NAALADL2: variants seen among roughly 807,000 people sequenced by gnomAD.
NAALADL2 encodes N-acetylated alpha-linked acidic dipeptidase like 2.
In NAALADL2, 76 loss-of-function variants were observed where a neutral mutation model predicts 87.2. The ratio of observed to expected loss-of-function variants is 0.87; its 90% CI spans 0.72 to 1.05. The LOEUF is 1.05. Among genes scored for constraint, NAALADL2 ranks in the 50% least tolerant of loss-of-function variants. The pLI, the probability that NAALADL2 is intolerant of heterozygous loss-of-function variation, is 0.00. For missense variants in NAALADL2, 1,089 were observed against 945.8 expected, an observed-to-expected ratio of 1.15 and a Z score of -1.99; for synonymous variants, 354 against 331.0, an observed-to-expected ratio of 1.07 and a Z score of -0.75.
At chr3:174,721,613 G>A (rs894389065) in intron 2 of NAALADL2, among the ~76,000 whole-genome samples, 3 of 152,164 alleles carry the variant, frequency 2.0e-5, no homozygotes, top group African/African-American at 7.2e-5. Context: ...AGGAGAGCTC[G>A]AAGCAGCAGA....
chr3:175,262,596 G>A (rs113734156), intron 4 of NAALADL2, among the ~76,000 whole-genome samples: 6 of 151,588 alleles, frequency 4.0e-5, no homozygotes, highest in African/African-American at 1.2e-4. Flanking sequence ...GTGTGTGTGT[G>A]TGTGTGTGTG....
At chr3:175,327,930 G>C (rs1484754911) in intron 5 of NAALADL2, among the ~76,000 whole-genome samples, 1 of 152,152 alleles carries the variant, frequency 6.6e-6, no homozygotes, top group East Asian at 1.9e-4. Flanking sequence ...GATGGTGATG[G>C]CTGAAGCTGC....
At chr3:175,594,603 C>G (rs1721996739) in intron 10 of NAALADL2, among the ~76,000 whole-genome samples, 1 of 152,154 alleles carries the variant, frequency 6.6e-6, no homozygotes, top group African/African-American at 2.4e-5. Context: ...AGGGGCTGAA[C>G]TAATTTACAT....
chr3:174,616,662 A>G (rs906855410), intron 2 of NAALADL2, among the ~76,000 whole-genome samples: 3 of 151,890 alleles, frequency 2.0e-5, no homozygotes, highest in Admixed American at 6.6e-5. Context: ...TTTCTTATCT[A>G]CTGTATGTCT....
chr3:174,667,978 T>A (rs1726134751), intron 2 of NAALADL2, among the ~76,000 whole-genome samples: 1 of 152,160 alleles, frequency 6.6e-6, no homozygotes, highest in Non-Finnish European at 1.5e-5. Flanking sequence ...CATTTTATAA[T>A]CCTGCCAGCA....
intron 2 of NAALADL2, chr3:174,551,359 T>C (rs1398639612): frequency 6.6e-6 from 1 of 152,188 alleles, no homozygotes; most frequent in Non-Finnish European, 1.5e-5. Context: ...GCTAATATAT[T>C]ACCAGATATT....
At chr3:175,033,978 T>C (rs1753099470) in intron 1 of NAALADL2, among the ~76,000 whole-genome samples, 1 of 152,180 alleles carries the variant, frequency 6.6e-6, no homozygotes, top group Non-Finnish European at 1.5e-5. Flanking sequence ...GCCTCACCAC[T>C]GTGTACGGCC....
chr3:174,821,337 GA>G (rs1423244749), intron 3 of NAALADL2, among the ~76,000 whole-genome samples: 3 of 150,494 alleles, frequency 2.0e-5, no homozygotes, highest in East Asian at 1.9e-4. Flanking sequence ...GTGGTATAAT[GA>G]AAAAAAAATG....
chr3:175,682,359 A>G (rs1735708981), intron 11 of NAALADL2, among the ~76,000 whole-genome samples: 1 of 152,024 alleles, frequency 6.6e-6, no homozygotes, highest in Non-Finnish European at 1.5e-5. Flanking sequence ...GGGAATAAAA[A>G]TCTAGTTATT....
chr3:175,118,047 C>A (rs1280704140), intron 2 of NAALADL2, among the ~76,000 whole-genome samples: 2 of 151,856 alleles, frequency 1.3e-5, no homozygotes, highest in Non-Finnish European at 2.9e-5. Context: ...TTGTCACTCA[C>A]AGGTGGGAAC....
chr3:175,036,365 C>A (rs1753407234), intron 1 of NAALADL2, among the ~76,000 whole-genome samples: 1 of 151,860 alleles, frequency 6.6e-6, no homozygotes, highest in African/African-American at 2.4e-5. Context: ...TTTTGTTTTA[C>A]AAAATCAGGA....
chr3:175,040,037 A>G (rs533211634), intron 1 of NAALADL2, among the ~76,000 whole-genome samples: 1 of 152,288 alleles, frequency 6.6e-6, no homozygotes, highest in Non-Finnish European at 1.5e-5. Context: ...ATATGTGCAC[A>G]CACACGCATA....
chr3:174,473,844 G>GAA (rs1352844196), intron 1 of NAALADL2, among the ~76,000 whole-genome samples: 1 of 152,146 alleles, frequency 6.6e-6, no homozygotes, highest in East Asian at 1.9e-4. Context: ...CTGCTATGAA[G>GAA]AAATACCCAG....
At chr3:175,615,913 A>C (rs979735529) in intron 10 of NAALADL2, among the ~76,000 whole-genome samples, 1 of 147,636 alleles carries the variant, frequency 6.8e-6, no homozygotes, top group Non-Finnish European at 1.5e-5. Context: ...TATAATATAT[A>C]TTTATATTAT....
chr3:175,086,604 T>C (rs1174872789), intron 1 of NAALADL2, among the ~76,000 whole-genome samples: 1 of 152,190 alleles, frequency 6.6e-6, no homozygotes, highest in Non-Finnish European at 1.5e-5. Context: ...TTTGCGGCTC[T>C]TACATTTTCA....
chr3:174,543,712 A>AAGTCACAT (rs757946819), intron 1 of NAALADL2, among the ~76,000 whole-genome samples: 32 of 152,138 alleles, frequency 2.1e-4, no homozygotes, highest in Non-Finnish European at 3.7e-4. Context: ...CATAATTTAA[A>AAGTCACAT]AGTCACATAG....
intron 1 of NAALADL2, among the ~76,000 whole-genome samples, chr3:174,454,970 A>G (rs1265851791): frequency 1.3e-5 from 2 of 151,402 alleles, no homozygotes; most frequent in Non-Finnish European, 2.9e-5. Context: ...TTTGAAAAAT[A>G]TTACTAAAAT....
At chr3:174,726,495 C>T (rs1213244562) in intron 2 of NAALADL2, among the ~76,000 whole-genome samples, 1 of 152,032 alleles carries the variant, frequency 6.6e-6, no homozygotes, top group African/African-American at 2.4e-5. Context: ...TATTATTTGT[C>T]TTCTGAGTGA....
intron 13 of NAALADL2, among the ~76,000 whole-genome samples, chr3:175,768,005 T>A (rs1748964936): frequency 6.6e-6 from 1 of 152,202 alleles, no homozygotes; most frequent in African/African-American, 2.4e-5. Context: ...CCAGAGAAAC[T>A]TTCTTGGTCC....
Sources: gnomAD v4.1 joint callset for allele counts (sites outside exome capture counted in the v4.1 genomes callset) on GRCh38, gnomAD v4.1.1 for gene constraint, MANE v1.5 for transcripts, NCBI Gene and HGNC (gene_info 2026-07-23, HGNC 2026-07-21) for gene names.